The following PWWP2A variants were observed in gnomAD, a reference collection of about 807,000 sequenced individuals.
The protein encoded by PWWP2A is PWWP domain-containing protein 2A.
In PWWP2A, 18 loss-of-function variants were observed where a neutral mutation model predicts 48.5. The ratio of observed to expected loss-of-function variants is 0.37; its 90% CI spans 0.26 to 0.55. The LOEUF (loss-of-function observed/expected upper bound fraction) is 0.55. PWWP2A is among the 20% of genes least tolerant of loss of function. The pLI is 0.81. For missense variants in PWWP2A, 867 were observed against 976.4 expected, an observed-to-expected ratio of 0.89 and a Z score of 1.49; for synonymous variants, 396 against 387.7, an observed-to-expected ratio of 1.02 and a Z score of -0.25.
chr5:160,104,131 A>AAAAAAAAG (rs1554103786), intron 1 of PWWP2A, among the ~76,000 whole-genome samples: 3 of 150,224 alleles, frequency 2.0e-5, no homozygotes, highest in African/African-American at 7.3e-5. Flanking sequence ...TCAAAAAAAA[A>AAAAAAAAG]AAAAAAAAAG....
intron 4 of PWWP2A, among the ~76,000 whole-genome samples, chr5:160,064,733 T>C (rs1239153444): frequency 2.6e-5 from 4 of 152,188 alleles, no homozygotes; most frequent in African/African-American, 9.7e-5. Flanking sequence ...GTGGATGGCA[T>C]TAAAGTGACT....
chr5:160,070,557 GGTT>G lies in PWWP2A; in HGVS notation c.*80-3689_*80-3687del, dbSNP rs765467287. Among the ~76,000 whole-genome samples the G allele has an allele frequency of 4.1e-4, 62 of 152,228 alleles. No homozygotes were observed. The East Asian group carries it at 0.011, about 27-fold the overall frequency. ...ACAAGCACTGCAGCCAGTTTGTTGT[GGTT>G]GTTTTTTAGCCTTTTGCTCCTTGTC... is the stretch of plus-strand genomic sequence containing the variant. On this transcript the variant is annotated intron_variant and NMD_transcript_variant, in intron 2 of 5. Transcript: ENST00000524050.
At chr5:160,060,622 T>C (rs1753341113), downstream of PWWP2A, among the ~76,000 whole-genome samples, 1 of 152,166 alleles carries the variant, frequency 6.6e-6, no homozygotes, top group East Asian at 1.9e-4. Flanking sequence ...ATAGGCTAGT[T>C]TGGCACATGA....
downstream of PWWP2A, chr5:160,091,317 T>C: frequency 1.0e-6 from 1 of 979,508 alleles, no homozygotes; most frequent in South Asian, 4.7e-5. Flanking sequence ...TTCAAAGCTT[T>C]TTGAGAAACA....
At chr5:160,058,914 C>T (rs1472908108), downstream of PWWP2A, among the ~76,000 whole-genome samples, 1 of 152,118 alleles carries the variant, frequency 6.6e-6, no homozygotes, top group Non-Finnish European at 1.5e-5. Flanking sequence ...TAGGTCTCAA[C>T]AATAGGCTTA....
downstream of PWWP2A, among the ~76,000 whole-genome samples, chr5:160,075,572 C>T (rs1343783098): frequency 6.6e-6 from 1 of 151,988 alleles, no homozygotes; most frequent in African/African-American, 2.4e-5. Context: ...AAGACAAACC[C>T]AGCAGCAGAT....
chr5:160,118,851 A>G lies in PWWP2A; in HGVS notation c.538T>C (p.Phe180Leu). Reference protein sequence around the residue: ...IEDALVVSFRFGEKLFSGVLM... With the variant: ...IEDALVVSFRLGEKLFSGVLM... The stretch of plus-strand genomic sequence containing the variant: ...ACCCCGGAGAAGAGCTTCTCCCCGA[A>G]GCGGAACGACACGACAAGCGCGTCC... The change falls in exon 1 of 2, where the codon TTC becomes CTC. Residue 180 changes from phenylalanine to leucine, a missense_variant. Coordinates refer to ENST00000307063, the MANE Select transcript of PWWP2A (RefSeq NM_001130864.2). 6.3e-7 allele frequency: 1 copy of G among 1,588,310 alleles called. No individual in the cohort carries two copies. Among genetic ancestry groups the G allele is most frequent in the Non-Finnish European group, 8.6e-7 (1 of 1,169,110 alleles).
chr5:160,073,583 A>G (rs554268958), downstream of PWWP2A, among the ~76,000 whole-genome samples: 2 of 152,162 alleles, frequency 1.3e-5, no homozygotes, highest in African/African-American at 4.8e-5. Flanking sequence ...CTGCTTCTAC[A>G]AACTTGCCTC....
downstream of PWWP2A, among the ~76,000 whole-genome samples, chr5:160,073,386 G>A (rs1055880811): frequency 6.6e-6 from 1 of 151,674 alleles, no homozygotes; most frequent in Non-Finnish European, 1.5e-5. Context: ...CCACCACCAC[G>A]CCCGGCTAAT....
In PWWP2A at chr5:160,118,928, G is replaced by C; in HGVS notation, c.461C>G (p.Ser154Trp). Residue 154 changes from serine (S) to tryptophan (W), a missense_variant, in exon 1 of 2, where the codon TCG becomes TGG. Physicochemically the swap from Ser to Trp is radical, Grantham distance 177. Around this residue, in one of 4 missense-constraint regions of PWWP2A, gnomAD observed 385 missense variants for 396.9 expected, o/e 0.97. Transcript: ENST00000307063. ...CACCTCCGAGCCCGGGATCAGTTGC[G>C]ACACCGTGGAGTCCCCGCCCGCCGG... ...VPPAGGDSTV[S>W]QLIPGSEVRV... 1 of 1,600,372 alleles carries C rather than the reference G, an allele frequency of 6.2e-7. No individual in the cohort carries two copies. The highest frequency in any genetic ancestry group is 1.1e-5 in the South Asian group (1 of 89,688).
At chr5:160,117,973 T>A (rs1758307418) in intron 1 of PWWP2A, 1 of 646,796 alleles carries the variant, frequency 1.5e-6, no homozygotes, top group Non-Finnish European at 1.9e-6. Context: ...TAGAACAGGT[T>A]CTCTTCCCCT....
chr5:160,089,702 T>G, downstream of PWWP2A: 1 of 1,266,400 alleles, frequency 7.9e-7, no homozygotes, highest in African/African-American at 1.5e-5. Context: ...AACTCTTCCT[T>G]CACTTGGTTT....
chr5:160,080,731 C>T, exon 3 of PWWP2A: 1 of 1,572,214 alleles, frequency 6.4e-7, no homozygotes, highest in Non-Finnish European at 8.6e-7. Context: ...AGCAGCAGGA[C>T]TCGTCACTGT....
At chr5:160,054,072 T>C in the PWWP2A span, among the ~76,000 whole-genome samples, 2 of 152,034 alleles carry the variant, frequency 1.3e-5, no homozygotes, top group African/African-American at 4.8e-5. Context: ...GGGGGTTGGT[T>C]GTTTTTGTTT....
intron 1 of PWWP2A, among the ~76,000 whole-genome samples, chr5:160,098,898 T>TGCACTCCA (rs1276607505): frequency 6.6e-6 from 1 of 152,136 alleles, no homozygotes; most frequent in East Asian, 1.9e-4. Context: ...ATCACGCCAC[T>TGCACTCCA]GCACTCCAGC....
the PWWP2A span, among the ~76,000 whole-genome samples, chr5:160,050,318 A>G: frequency 3.3e-4 from 50 of 151,420 alleles, no homozygotes; most frequent in African/African-American, 1.2e-3. Flanking sequence ...GTGGTGGCAC[A>G]TGCCTGTAAT....
At chr5:160,048,126 CTTTTTTTTTTTTTTTTTTTTT>C in the PWWP2A span, among the ~76,000 whole-genome samples, 2 of 35,538 alleles carry the variant, frequency 5.6e-5, no homozygotes, top group Admixed American at 5.1e-4. Flanking sequence ...CAAGACATTG[CTTTTTTTTTTTTTTTTTTTTT>C]TTTTTTTTTT....
At chr5:160,056,603 G>C in the PWWP2A span, among the ~76,000 whole-genome samples, 3 of 152,144 alleles carry the variant, frequency 2.0e-5, no homozygotes, top group Admixed American at 6.5e-5. Flanking sequence ...TGTGCCTGTA[G>C]TCTCAGCCAC....
At chr5:160,084,570 AG>A (rs1375893874) in intron 2 of PWWP2A, among the ~76,000 whole-genome samples, 1 of 152,058 alleles carries the variant, frequency 6.6e-6, no homozygotes, top group Non-Finnish European at 1.5e-5. Flanking sequence ...CTGGGACTAC[AG>A]GCGTGCACCA....
Sources: gnomAD v4.1 joint callset for allele counts (sites outside exome capture counted in the v4.1 genomes callset) on GRCh38, gnomAD v4.1.1 for gene constraint, gnomAD v4.1.1 regional missense constraint, MANE v1.5 for transcripts, NCBI Gene and HGNC (gene_info 2026-07-23, HGNC 2026-07-21) for gene names.